Variants in PRDM16 observed in about 807,000 individuals in gnomAD.
PRDM16 encodes the protein PR/SET domain 16, also known as histone-lysine N-methyltransferase PRDM16.
In PRDM16, 23 loss-of-function variants were observed where a neutral mutation model predicts 110.6. The observed-to-expected ratio is 0.21, with a 90% CI of 0.15 to 0.29. PRDM16 has a LOEUF of 0.29. Among genes scored for constraint, PRDM16 ranks in the 10% least tolerant of loss-of-function variants. PRDM16 has a pLI of 1.00. For synonymous variants in PRDM16, 799 were observed against 781.8 expected, an observed-to-expected ratio of 1.02 and a Z score of -0.37; for missense variants, 1,615 against 1,794.3, an observed-to-expected ratio of 0.90 and a Z score of 1.81.
chr1:3,237,158 C>T (rs1253847697), intron 2 of PRDM16, among the ~76,000 whole-genome samples: 1 of 152,140 alleles, frequency 6.6e-6, no homozygotes. Context: ...ACACCCCATG[C>T]CCCCATCGTC....
intron 3 of PRDM16, among the ~76,000 whole-genome samples, chr1:3,314,074 G>C (rs2483263): frequency 0.22 from 27,746 of 127,594 alleles, 4,183 homozygotes; most frequent in Middle Eastern, 0.4. Flanking sequence ...TCCCCACCGG[G>C]GGGGGGGGCG....
In PRDM16 at chr1:3,424,041, G is replaced by GCAGT. The variant is rs140489482; in HGVS notation, c.2940-1536_2940-1533dup. 4.5e-3 allele frequency among the ~76,000 whole-genome samples: 680 copies of GCAGT among 152,310 alleles called. 2 individuals are homozygous for GCAGT. The highest frequency in any genetic ancestry group is 0.016 in the African/African-American group (660 of 41,564). On this transcript the variant is annotated intron_variant, in intron 12 of 16. Transcript: ENST00000270722. ...GCACCCACGTGCAACTGAAAACCAT[G>GCAGT]CAGTCAGGGTTCCCTTCACCGTCGC...
chr1:3,186,099 G>T (rs766242377), intron 1 of PRDM16, 26 bp from the exon 2 acceptor site: 2 of 1,584,230 alleles, frequency 1.3e-6, no homozygotes, highest in South Asian at 2.2e-5. Flanking sequence ...GTGCTGCAGA[G>T]GTTGACGCTG....
At chr1:3,414,988 G>C (rs60973157) in intron 10 of PRDM16, among the ~76,000 whole-genome samples, 8,610 of 152,294 alleles carry the variant, frequency 0.057, 427 homozygotes, top group African/African-American at 0.14. Flanking sequence ...GCAGCCTCAG[G>C]TGGCAGCCCA....
intron 1 of PRDM16, among the ~76,000 whole-genome samples, chr1:3,137,277 C>T (rs1483571313): frequency 2.0e-5 from 3 of 152,210 alleles, no homozygotes; most frequent in South Asian, 2.1e-4. Context: ...TGGCCGCCAC[C>T]GGCCCGGGTG....
chr1:3,415,331 C>A (rs942038719), intron 10 of PRDM16, among the ~76,000 whole-genome samples: 1 of 152,264 alleles, frequency 6.6e-6, no homozygotes, highest in Admixed American at 6.5e-5. Flanking sequence ...CCTTCCGCAG[C>A]GCCATGGGCT....
chr1:3,131,827 G>A (rs1336266103), intron 1 of PRDM16, among the ~76,000 whole-genome samples: 2 of 152,118 alleles, frequency 1.3e-5, no homozygotes, highest in Non-Finnish European at 2.9e-5. Flanking sequence ...GGGTCTCCAG[G>A]CAGCTCTCCT....
chr1:3,436,477 C>A lies in PRDM16; in HGVS notation c.*2666C>A. 4.3e-6 allele frequency: 1 copy of A among 231,914 alleles called. No homozygotes were observed. 14.4% of individuals were successfully genotyped at this position (231,914 alleles called of 1,614,324 possible). A position where few individuals can be genotyped will look rare whatever the true frequency, so the allele number is the denominator to read the frequency against. On this transcript the variant is annotated 3_prime_UTR_variant, in exon 17 of 17. Coordinates refer to ENST00000270722, the MANE Select transcript of PRDM16 (RefSeq NM_022114.4). The stretch of plus-strand genomic sequence containing the variant: ...AAAATGATGGCAAGCCCAGTTTCTC[C>A]TGAGCATTCAGACCCCCAGGCCCCA...
chr1:3,176,914 A>C (rs1644097790), intron 1 of PRDM16, among the ~76,000 whole-genome samples: 1 of 151,648 alleles, frequency 6.6e-6, no homozygotes, highest in Non-Finnish European at 1.5e-5. Flanking sequence ...CCACCCATCT[A>C]TCCACTCATC....
chr1:3,357,875 C>T (rs1642639638), intron 3 of PRDM16, among the ~76,000 whole-genome samples: 1 of 152,228 alleles, frequency 6.6e-6, no homozygotes, highest in South Asian at 2.1e-4. Context: ...GGTCCCACAG[C>T]AGGAAGTGAC....
intron 1 of PRDM16, among the ~76,000 whole-genome samples, chr1:3,114,169 ACACACGCACACACACG>A (rs1569584854): frequency 9.9e-6 from 1 of 100,736 alleles, no homozygotes; most frequent in Admixed American, 1.0e-4. Context: ...ACACACGCAC[ACACACGCACACACACG>A]CACACACGCA....
At chr1:3,352,924 G>C (rs897531477) in intron 3 of PRDM16, among the ~76,000 whole-genome samples, 5 of 152,222 alleles carry the variant, frequency 3.3e-5, no homozygotes, top group Admixed American at 2.6e-4. Flanking sequence ...CGGGGAGGGG[G>C]CCGTCCTCTG....
chr1:3,418,042 G>A (rs747927757), intron 11 of PRDM16, 45 bp downstream of exon 11: 127 of 1,530,836 alleles, frequency 8.3e-5, no homozygotes, highest in East Asian at 1.8e-4. Flanking sequence ...GGCGGGGCTC[G>A]AGTGCCACAC....
At chr1:3,308,541 C>G (rs910814953) in intron 3 of PRDM16, 1 of 152,304 alleles carries the variant, frequency 6.6e-6, no homozygotes, top group Non-Finnish European at 1.5e-5. Context: ...GGATTCTTCC[C>G]GTCCGGTTGA....
intron 2 of PRDM16, among the ~76,000 whole-genome samples, chr1:3,198,194 G>T (rs1288733941): frequency 6.6e-6 from 1 of 152,212 alleles, no homozygotes; most frequent in Non-Finnish European, 1.5e-5. Context: ...CCGAGCTGCA[G>T]TGTGGCTGGG....
At chr1:3,423,345 C>G (rs894299775) in intron 12 of PRDM16, among the ~76,000 whole-genome samples, 1 of 152,212 alleles carries the variant, frequency 6.6e-6, no homozygotes, top group African/African-American at 2.4e-5. Flanking sequence ...CTCCTGGGCC[C>G]GGCAGCAGCA....
Position 3,425,432 on chromosome 1 carries a change from G to C in PRDM16, c.2940-149G>C. On this transcript the variant is annotated intron_variant, in intron 12 of 16. Coordinates refer to ENST00000270722, the MANE Select transcript of PRDM16 (RefSeq NM_022114.4). This position sits in a 1 kb window ranked among gnomAD's most constrained non-coding sequence, Gnocchi z 6.9. ...CAGGATGCCTTTGGCTCTGCAGCTG[G>C]GAGATCCAGCAACCTCCGGGACACG... 1 of 784,892 alleles carries C rather than the reference G, an allele frequency of 1.3e-6. No individual in the cohort carries two copies. Among genetic ancestry groups the C allele is most frequent in the Non-Finnish European group, 2.0e-6 (1 of 505,208 alleles). 48.6% of individuals were successfully genotyped at this position (784,892 alleles called of 1,614,324 possible).
At chr1:3,267,724 C>T (rs535415217) in intron 3 of PRDM16, among the ~76,000 whole-genome samples, 1 of 152,344 alleles carries the variant, frequency 6.6e-6, no homozygotes, top group African/African-American at 2.4e-5. Flanking sequence ...GCCCCTCCTT[C>T]TGAAAGTTGA....
At chr1:3,114,106 C>T (rs761344917) in intron 1 of PRDM16, among the ~76,000 whole-genome samples, 3 of 152,154 alleles carry the variant, frequency 2.0e-5, no homozygotes, top group East Asian at 1.9e-4. Flanking sequence ...GTGATGGCGC[C>T]GTGCTGCAGT....
Sources: gnomAD v4.1 joint callset for allele counts (sites outside exome capture counted in the v4.1 genomes callset) on GRCh38, gnomAD v4.1.1 for gene constraint, Gnocchi (gnomAD v3.1) non-coding constraint, MANE v1.5 for transcripts, NCBI Gene and HGNC (gene_info 2026-07-23, HGNC 2026-07-21) for gene names.